The following SGCD variants were observed in gnomAD, a reference collection of about 807,000 sequenced individuals.
SGCD encodes delta-sarcoglycan.
SGCD carries 18 observed loss-of-function variants against 36.6 expected under a neutral mutation model. The observed-to-expected ratio is 0.49, with a 90% confidence interval of 0.34 to 0.73. The LOEUF (loss-of-function observed/expected upper bound fraction) is 0.73, where lower values mean the gene tolerates loss of function less well. Among genes scored for constraint, SGCD ranks in the 30% least tolerant of loss-of-function variants. The pLI, the probability that SGCD is intolerant of heterozygous loss-of-function variation, is 0.01. For missense variants in SGCD, 387 were observed against 346.7 expected (o/e 1.12, Z -0.92); for synonymous variants, 133 against 130.6 (o/e 1.02, Z -0.12).
At chr5:156,691,628 A>C (rs903073813) in intron 7 of SGCD, among the ~76,000 whole-genome samples, 1 of 152,200 alleles carries the variant, frequency 6.6e-6, no homozygotes, top group African/African-American at 2.4e-5. Flanking sequence ...GAATTTCAAA[A>C]TTTTCATGTC....
the SGCD span, among the ~76,000 whole-genome samples, chr5:155,838,615 C>A: frequency 6.6e-6 from 1 of 152,074 alleles, no homozygotes; most frequent in African/African-American, 2.4e-5. Flanking sequence ...ACTAGTTTCA[C>A]AATGATAGTA....
In SGCD at chr5:156,146,106, G is replaced by A. The variant is rs376833496; in HGVS notation, c.-44+22087G>A. Among the ~76,000 whole-genome samples, 118 of 152,230 alleles carry A rather than the reference G, an allele frequency of 7.8e-4. 2 individuals are homozygous for A. Among genetic ancestry groups the A allele is most frequent in the Middle Eastern group, 3.4e-3 (1 of 294 alleles). On this transcript the variant is annotated intron_variant, in intron 3 of 9. Coordinates refer to the SGCD transcript ENST00000517913. Reference sequence around the variant, plus strand: ...TGGGCGCCTGTAGTCCCAGCTACTCGGGAGGCTGAGACAGGAGAATGGTGT... The same window carrying A: ...TGGGCGCCTGTAGTCCCAGCTACTCAGGAGGCTGAGACAGGAGAATGGTGT...
At chr5:156,322,150 G>A (rs192986780), upstream of SGCD, among the ~76,000 whole-genome samples, 194 of 152,168 alleles carry the variant, frequency 1.3e-3, no homozygotes, top group African/African-American at 1.1e-3. Context: ...CAACTGACTC[G>A]GTAATTTCTC....
chr5:156,137,170 G>C (rs1451660041), intron 3 of SGCD, among the ~76,000 whole-genome samples: 1 of 152,208 alleles, frequency 6.6e-6, no homozygotes, highest in Non-Finnish European at 1.5e-5. Context: ...AGTTACAGCT[G>C]ATCAGTGGGA....
chr5:155,750,282 A>T, the SGCD span, among the ~76,000 whole-genome samples: 1 of 152,228 alleles, frequency 6.6e-6, no homozygotes, highest in Non-Finnish European at 1.5e-5. Flanking sequence ...CACCATTTAC[A>T]TAAATAATAG....
chr5:156,689,909 A>G (rs1381462640), intron 7 of SGCD, among the ~76,000 whole-genome samples: 2 of 152,248 alleles, frequency 1.3e-5, no homozygotes, highest in African/African-American at 4.8e-5. Context: ...ATAGCAGCCT[A>G]GAGAAGCAAA....
At chr5:156,073,454 C>T (rs936362900) in intron 1 of SGCD, among the ~76,000 whole-genome samples, 4 of 152,224 alleles carry the variant, frequency 2.6e-5, no homozygotes, top group African/African-American at 7.2e-5. Context: ...GTCTAGCTAC[C>T]TGGAAGACTG....
At chr5:155,743,232 A>AC in the SGCD span, among the ~76,000 whole-genome samples, 4 of 152,234 alleles carry the variant, frequency 2.6e-5, no homozygotes, top group East Asian at 7.7e-4. Context: ...ACCTCTGGCA[A>AC]CCAGCCCCCA....
chr5:156,069,552 T>C (rs1561704390), intron 1 of SGCD, among the ~76,000 whole-genome samples: 1 of 152,094 alleles, frequency 6.6e-6, no homozygotes, highest in Non-Finnish European at 1.5e-5. Flanking sequence ...TGAAGTCAGG[T>C]AGCGTGATGC....
chr5:156,508,729 A>G (rs767175420), intron 4 of SGCD, 27 bp downstream of exon 4: 2 of 1,308,290 alleles, frequency 1.5e-6, no homozygotes, highest in Non-Finnish European at 2.2e-6. Flanking sequence ...AGAAGGAGGC[A>G]TTATTGTTGC....
chr5:156,382,429 T>A (rs928340955), intron 3 of SGCD, among the ~76,000 whole-genome samples: 100 of 152,310 alleles, frequency 6.6e-4, no homozygotes, highest in African/African-American at 2.3e-3. Context: ...TGAGGACTGC[T>A]TTAATGGAGT....
chr5:156,356,824 C>T lies in SGCD; in HGVS notation c.192+12147C>T, dbSNP rs147403479. 5.5e-3 allele frequency among the ~76,000 whole-genome samples: 830 copies of T among 152,120 alleles called. 5 individuals carry two copies. Among genetic ancestry groups the T allele is most frequent in the Admixed American group, 9.0e-3 (138 of 15,282 alleles). On this transcript the variant is annotated intron_variant, in intron 3 of 8. Coordinates refer to ENST00000337851, the MANE Select transcript of SGCD (RefSeq NM_000337.6). The stretch of plus-strand genomic sequence containing the variant: ...AATTCAATGACAAGTGTCCTCATAA[C>T]GATGAGGCAGAGGAAAATTTGACAC...
chr5:155,772,300 A>G, the SGCD span, among the ~76,000 whole-genome samples: 3 of 152,214 alleles, frequency 2.0e-5, no homozygotes, highest in Non-Finnish European at 4.4e-5. Flanking sequence ...GTTATTTAGA[A>G]TAGTAATCAT....
chr5:156,272,871 A>G (rs1468472642), intron 3 of SGCD, among the ~76,000 whole-genome samples: 1 of 152,116 alleles, frequency 6.6e-6, no homozygotes, highest in African/African-American at 2.4e-5. Context: ...TCATTTGTTT[A>G]TGTATTGTCT....
intron 3 of SGCD, among the ~76,000 whole-genome samples, chr5:156,416,168 A>G (rs558772556): frequency 6.6e-6 from 1 of 152,364 alleles, no homozygotes; most frequent in South Asian, 2.1e-4. Context: ...TATATGTTCT[A>G]TGGAATACTA....
At chr5:156,082,971 G>A (rs1157408724) in intron 1 of SGCD, among the ~76,000 whole-genome samples, 1 of 151,958 alleles carries the variant, frequency 6.6e-6, no homozygotes, top group Admixed American at 6.6e-5. Flanking sequence ...TGAAAGGTAT[G>A]TAGTGGTATC....
chr5:156,581,818 A>G (rs1233391846), intron 4 of SGCD, among the ~76,000 whole-genome samples: 2 of 152,182 alleles, frequency 1.3e-5, no homozygotes, highest in Non-Finnish European at 2.9e-5. Flanking sequence ...TTTTCCAGGT[A>G]CCATCTGAAA....
At chr5:155,768,246 AGTTTTTGTTTTGTTTT>A in the SGCD span, among the ~76,000 whole-genome samples, 5 of 150,290 alleles carry the variant, frequency 3.3e-5, no homozygotes, top group South Asian at 8.6e-4. Flanking sequence ...TGATATTGGT[AGTTTTTGTTTTGTTTT>A]GTTTTTGTTT....
At chr5:156,755,339 C>G (rs533778524) in intron 7 of SGCD, among the ~76,000 whole-genome samples, 356 of 152,288 alleles carry the variant, frequency 2.3e-3, no homozygotes, top group Non-Finnish European at 4.1e-3. Flanking sequence ...AGCACAAACT[C>G]ATCCTACAAG....
Sources: allele counts gnomAD v4.1 joint callset (sites outside exome capture counted in the v4.1 genomes callset), GRCh38; gene constraint gnomAD v4.1.1; transcripts MANE v1.5; gene names NCBI Gene and HGNC (gene_info 2026-07-23, HGNC 2026-07-21).